Variants in GPHN observed in about 807,000 individuals in gnomAD.
GPHN encodes the protein gephyrin.
A neutral mutation model predicts 95.5 loss-of-function variants in GPHN; 17 were observed. The ratio of observed to expected loss-of-function variants is 0.18; its 90% CI spans 0.12 to 0.27. The LOEUF (loss-of-function observed/expected upper bound fraction) is 0.27, where lower values mean the gene tolerates loss of function less well. GPHN is among the 10% of genes least tolerant of loss of function. The pLI is 1.00. For synonymous variants in GPHN, 320 were observed against 322.5 expected (o/e 0.99, Z 0.08); for missense variants, 660 against 978.1 (o/e 0.67, Z 4.34).
At chr14:67,395,832 A>C in the GPHN span, among the ~76,000 whole-genome samples, 1 of 152,180 alleles carries the variant, frequency 6.6e-6, no homozygotes, top group African/African-American at 2.4e-5. Flanking sequence ...TCCTGGACAC[A>C]CTAGTTCTGT....
chr14:67,520,091 T>C, the GPHN span, among the ~76,000 whole-genome samples: 1 of 152,168 alleles, frequency 6.6e-6, no homozygotes, highest in Non-Finnish European at 1.5e-5. Context: ...AGATTTCCCA[T>C]AGCTCCTGCC....
the GPHN span, among the ~76,000 whole-genome samples, chr14:67,594,282 G>C: frequency 6.6e-6 from 1 of 152,102 alleles, no homozygotes; most frequent in Non-Finnish European, 1.5e-5. Flanking sequence ...CCAGGAGTTC[G>C]AGGCTGCAGT....
At chr14:66,881,412 T>A (rs933191939) in intron 5 of GPHN, among the ~76,000 whole-genome samples, 7 of 151,886 alleles carry the variant, frequency 4.6e-5, no homozygotes, top group Admixed American at 1.3e-4. Context: ...AAAAGAACTC[T>A]TTCTTGTATA....
chr14:67,368,470 T>C, the GPHN span, among the ~76,000 whole-genome samples: 11 of 152,198 alleles, frequency 7.2e-5, no homozygotes, highest in East Asian at 1.2e-3. Flanking sequence ...TAAGAAAATA[T>C]TTAGTTACTA....
chr14:67,473,892 G>C, the GPHN span: 3 of 1,609,306 alleles, frequency 1.9e-6, no homozygotes, highest in Non-Finnish European at 2.5e-6. The surrounding 1 kb of genome is among the most constrained non-coding windows in gnomAD (Gnocchi z 6.5). Context: ...GTACCAGCGG[G>C]ACAGCGCCGT....
intron 4 of GPHN, among the ~76,000 whole-genome samples, chr14:66,875,571 G>A (rs2063618663): frequency 6.6e-6 from 1 of 152,098 alleles, no homozygotes; most frequent in South Asian, 2.1e-4. Context: ...TATTTAGCAA[G>A]CAAATGGAAA....
the GPHN span, among the ~76,000 whole-genome samples, chr14:67,293,662 G>A: frequency 2.0e-4 from 31 of 152,252 alleles, no homozygotes; most frequent in African/African-American, 6.5e-4. Context: ...ATTCACACAT[G>A]TAGGCAATTC....
chr14:66,863,200 GA>G (rs552371465), intron 4 of GPHN, among the ~76,000 whole-genome samples: 2,895 of 119,802 alleles, frequency 0.024, 70 homozygotes, highest in African/African-American at 0.069. Context: ...ATCTGAAAAA[GA>G]AAAAAAAAAA....
At chr14:66,950,562 T>C (rs1203990489) in intron 8 of GPHN, among the ~76,000 whole-genome samples, 4 of 152,230 alleles carry the variant, frequency 2.6e-5, no homozygotes, top group East Asian at 3.9e-4. Context: ...TAGTGGCTGC[T>C]TCTACTTCCT....
the GPHN span, among the ~76,000 whole-genome samples, chr14:67,349,857 A>G: frequency 1.3e-5 from 2 of 152,198 alleles, no homozygotes; most frequent in Non-Finnish European, 2.9e-5. Flanking sequence ...ATGAAAGCCT[A>G]CCACTTCAAA....
chr14:67,675,004 A>G, the GPHN span, among the ~76,000 whole-genome samples: 3 of 152,184 alleles, frequency 2.0e-5, no homozygotes, highest in Non-Finnish European at 2.9e-5. Flanking sequence ...GCGCGGCGAC[A>G]GCGGGCTTCG....
chr14:66,568,983 A>G (rs992186039), intron 1 of GPHN, among the ~76,000 whole-genome samples: 18 of 152,170 alleles, frequency 1.2e-4, no homozygotes, highest in Non-Finnish European at 2.4e-4. Context: ...TCCAACAATG[A>G]GGAATCTTGA....
intron 1 of GPHN, among the ~76,000 whole-genome samples, chr14:66,636,417 AT>A (rs1341603752): frequency 6.6e-6 from 1 of 152,134 alleles, no homozygotes; most frequent in Non-Finnish European, 1.5e-5. Flanking sequence ...AAAAAAGTTA[AT>A]GTGATTACAA....
At chr14:66,621,233 C>G (rs1351784770) in intron 1 of GPHN, among the ~76,000 whole-genome samples, 1 of 151,708 alleles carries the variant, frequency 6.6e-6, no homozygotes, top group Admixed American at 6.6e-5. Flanking sequence ...CCTCGGCCTC[C>G]CAAAGTGCTG....
At chr14:67,296,636 C>A in the GPHN span, among the ~76,000 whole-genome samples, 1 of 147,654 alleles carries the variant, frequency 6.8e-6, no homozygotes, top group African/African-American at 2.5e-5. Context: ...ATCCTGAAGG[C>A]CATTAATAAA....
At chr14:66,783,666 C>T (rs1391502980) in intron 3 of GPHN, among the ~76,000 whole-genome samples, 4 of 152,214 alleles carry the variant, frequency 2.6e-5, no homozygotes, top group Non-Finnish European at 5.9e-5. Context: ...CAACCATCTA[C>T]TCTCCCCAAC....
rs1399158453 is a variant in GPHN at position 66,593,312 on chromosome 14, AAAAC to A, written c.64+84728_64+84731del. Among the ~76,000 whole-genome samples the A allele has an allele frequency of 5.3e-5, 8 of 152,074 alleles. No individual in the cohort carries two copies. The South Asian group carries it at 8.3e-4, about 16-fold the overall frequency. On this transcript the variant is annotated intron_variant, in intron 1 of 22. Coordinates refer to ENST00000478722, the MANE Select transcript of GPHN (RefSeq NM_020806.5). ...AACTTAAAGTATTTAAAAAAAAAAA[AAAAC>A]AAACAACTGTCCGATACTGGGCAAT...
At chr14:67,301,739 G>A in the GPHN span, among the ~76,000 whole-genome samples, 1 of 152,158 alleles carries the variant, frequency 6.6e-6, no homozygotes, top group African/African-American at 2.4e-5. Context: ...TATCTAGGGT[G>A]TGTAGACCTT....
rs1410182841 is a variant in GPHN, at chr14:66,613,079, G to A, written c.65-68028G>A. On this transcript the variant is annotated intron_variant, in intron 1 of 22. Transcript: ENST00000478722. ...TCTAGTTATGTTCTGTAAAGTCACC[G>A]TGGACACTGAATTATTGAATACTGA... 1.3e-5 allele frequency among the ~76,000 whole-genome samples: 2 copies of A among 151,932 alleles called. 1 individual carries two copies. Among genetic ancestry groups the A allele is most frequent in the Non-Finnish European group, 2.9e-5 (2 of 67,936 alleles).
Sources: allele counts gnomAD v4.1 joint callset (sites outside exome capture counted in the v4.1 genomes callset), GRCh38; gene constraint gnomAD v4.1.1; non-coding constraint Gnocchi (gnomAD v3.1); transcripts MANE v1.5; gene names NCBI Gene and HGNC (gene_info 2026-07-23, HGNC 2026-07-21).